Variants in UIMC1 observed in about 807,000 individuals in gnomAD.
UIMC1 encodes the protein ubiquitin interaction motif containing 1.
Under a neutral mutation model 84.9 loss-of-function variants are expected in UIMC1, and 42 were observed. The ratio of observed to expected loss-of-function variants is 0.49; its 90% CI spans 0.39 to 0.64. The LOEUF (loss-of-function observed/expected upper bound fraction) is 0.64. Among genes scored for constraint, UIMC1 ranks in the 30% least tolerant of loss-of-function variants. The probability of loss-of-function intolerance (pLI) is 0.00; values close to 1 mark genes in which losing one functional copy is unlikely to be tolerated. For missense variants in UIMC1, 825 were observed against 847.6 expected (o/e 0.97, Z 0.33); for synonymous variants, 281 against 293.0 (o/e 0.96, Z 0.42).
chr5:176,949,111 ATTTT>A (rs997597956), intron 9 of UIMC1, among the ~76,000 whole-genome samples: 53 of 151,330 alleles, frequency 3.5e-4, no homozygotes, highest in African/African-American at 1.3e-3. Flanking sequence ...TTATTTATTT[ATTTT>A]TTTAAATTTT....
chr5:176,938,441 C>T (rs1763988129), intron 10 of UIMC1, among the ~76,000 whole-genome samples: 1 of 152,116 alleles, frequency 6.6e-6, no homozygotes, highest in African/African-American at 2.4e-5. Context: ...ACACCAAGTA[C>T]ACTAGCAGGT....
rs1768752518 is a variant in UIMC1, at chr5:176,968,936, A to G, written c.819T>C (p.Thr273=). ...DAKGLQDTGG[T]VNYFWGIPFC... ...ATGGAATACCCCAGAAATAGTTCACAGTGCCCCCAGTGTCCTGGAGACCTT... is the reference window on the plus strand; with the variant it reads ...ATGGAATACCCCAGAAATAGTTCACGGTGCCCCCAGTGTCCTGGAGACCTT... The change falls in exon 6 of 15, where the codon ACT becomes ACC. Residue 273 remains threonine, a synonymous_variant. Transcript: ENST00000511320. 1.2e-6 allele frequency: 2 copies of G among 1,614,068 alleles called. No homozygotes were observed. Among genetic ancestry groups the G allele is most frequent in the Non-Finnish European group, 1.7e-6 (2 of 1,180,032 alleles).
chr5:176,978,630 T>C (rs1770529573), intron 2 of UIMC1, among the ~76,000 whole-genome samples: 1 of 151,936 alleles, frequency 6.6e-6, no homozygotes, highest in African/African-American at 2.4e-5. Flanking sequence ...AAATAATATA[T>C]TGAGAAAAAA....
At chr5:176,908,070 G>A (rs900133078) in intron 12 of UIMC1, among the ~76,000 whole-genome samples, 2 of 152,018 alleles carry the variant, frequency 1.3e-5, no homozygotes, top group African/African-American at 4.8e-5. Flanking sequence ...ATAAATGCAA[G>A]TGAGAAAACT....
At chr5:177,009,775 C>G (rs921929192), upstream of UIMC1, among the ~76,000 whole-genome samples, 9 of 151,932 alleles carry the variant, frequency 5.9e-5, no homozygotes, top group African/African-American at 2.2e-4. This position sits in a 1 kb window ranked among gnomAD's most constrained non-coding sequence, Gnocchi z 4.3. Context: ...TGACTCACAC[C>G]TATAATCCCA....
At chr5:176,993,627 A>C (rs763855394) in intron 1 of UIMC1, among the ~76,000 whole-genome samples, 16 of 152,212 alleles carry the variant, frequency 1.1e-4, no homozygotes, top group Non-Finnish European at 2.2e-4. Flanking sequence ...ATCTCTACTG[A>C]TAATTTGTAA....
intron 10 of UIMC1, among the ~76,000 whole-genome samples, chr5:176,935,232 C>T (rs906023087): frequency 1.3e-5 from 2 of 152,142 alleles, no homozygotes; most frequent in Non-Finnish European, 2.9e-5. Flanking sequence ...TTTCATAATG[C>T]CCACACTATA....
Position 177,017,626 on chromosome 5 carries a change from C to T in UIMC1, c.-9+4838G>A, listed in dbSNP as rs372527000. Among the ~76,000 whole-genome samples, 4 of 151,570 alleles carry T rather than the reference C, an allele frequency of 2.6e-5. No homozygotes were observed. The East Asian group carries it at 7.8e-4, about 29-fold the overall frequency. On this transcript the variant is annotated intron_variant, in intron 1 of 5. Transcript: ENST00000509236. ...GTCCGCAGGTGATCCGCCCACTTGG[C>T]CTCCCAAAGTGCTATGATTACAGGC...
At chr5:176,984,339 C>A (rs1389759022) in intron 1 of UIMC1, among the ~76,000 whole-genome samples, 1 of 133,940 alleles carries the variant, frequency 7.5e-6, no homozygotes, top group African/African-American at 2.8e-5. Context: ...CCGGCCGCCC[C>A]GTCTGGGAAG....
intron 10 of UIMC1, among the ~76,000 whole-genome samples, chr5:176,934,221 A>G (rs1003764310): frequency 6.6e-6 from 1 of 152,192 alleles, no homozygotes; most frequent in Non-Finnish European, 1.5e-5. Flanking sequence ...CAATTAATCA[A>G]TGACTTTAGA....
intron 11 of UIMC1, among the ~76,000 whole-genome samples, chr5:176,910,856 C>G (rs6865489): frequency 0.042 from 6,426 of 151,916 alleles, 318 homozygotes; most frequent in Middle Eastern, 0.12. Flanking sequence ...TTTGGGAGGC[C>G]GAGGCAGGCC....
Position 176,958,154 on chromosome 5 carries a change from A to C in UIMC1, c.1201T>G (p.Ser401Ala), listed in dbSNP as rs984295278. ...EEEPTTSHGQ[S>A]SQGIVEETSE... ...GTTTCTTCAACAATCCCTTGGGAAG[A>C]CTGCAAAGAAATACGTAGTATCTTA... Residue 401 changes from serine (S) to alanine (A), a missense_variant and splice_region_variant, in exon 7 of 15, where the codon TCT becomes GCT. Coordinates refer to ENST00000511320, the MANE Select transcript of UIMC1 (RefSeq NM_001199298.2). The C allele has an allele frequency of 6.2e-7, 1 of 1,613,312 alleles. No individual in the cohort carries two copies. Among genetic ancestry groups the C allele is most frequent in the Non-Finnish European group, 8.5e-7 (1 of 1,179,454 alleles).
chr5:177,000,791 T>C (rs1316872616), intron 1 of UIMC1, among the ~76,000 whole-genome samples: 3 of 152,152 alleles, frequency 2.0e-5, no homozygotes, highest in East Asian at 3.8e-4. Flanking sequence ...TGAGCTACCG[T>C]GCCCAGCCTG....
Position 176,908,699 on chromosome 5 carries a change from C to G in UIMC1, c.1677-5G>C. On this transcript the variant is annotated splice_polypyrimidine_tract_variant and splice_region_variant and intron_variant, in intron 11 of 14. Coordinates refer to ENST00000511320, the MANE Select transcript of UIMC1 (RefSeq NM_001199298.2). ...CAGAGGTAACACTTCTCATTCCTATCCAATAAGAAAAAAGGAAGAAAACAC... is the reference window on the plus strand; with the variant it reads ...CAGAGGTAACACTTCTCATTCCTATGCAATAAGAAAAAAGGAAGAAAACAC... 2 of 1,606,216 alleles carry G rather than the reference C, an allele frequency of 1.2e-6. No individual in the cohort carries two copies. Among genetic ancestry groups the G allele is most frequent in the Non-Finnish European group, 1.7e-6 (2 of 1,175,790 alleles).
chr5:176,970,719 CT>C, intron 4 of UIMC1, 22 bp downstream of exon 4: 3 of 1,613,906 alleles, frequency 1.9e-6, no homozygotes. Context: ...TCTCCACAAA[CT>C]TTTGCAACAT....
In UIMC1 at chr5:177,000,738, G is replaced by A. The variant is rs181005717; in HGVS notation, c.-9+5912C>T. Among the ~76,000 whole-genome samples the A allele has an allele frequency of 2.0e-5, 3 of 151,810 alleles. No homozygotes were observed. The East Asian group carries it at 5.8e-4, about 30-fold the overall frequency. On this transcript the variant is annotated intron_variant, in intron 1 of 14. Transcript: ENST00000511320. ...TGGTCTCGAACTCCCGACCTCAGGT[G>A]ATCCACCTGCCTCGGACTCCCAAAG...
chr5:176,937,817 T>C (rs1763894383), intron 10 of UIMC1, among the ~76,000 whole-genome samples: 1 of 152,176 alleles, frequency 6.6e-6, no homozygotes, highest in South Asian at 2.1e-4. Flanking sequence ...AGATACTTAA[T>C]ACTGGGAGGT....
chr5:176,943,553 C>G, intron 9 of UIMC1, 65 bp from the exon 10 acceptor site: 2 of 1,550,500 alleles, frequency 1.3e-6, no homozygotes, highest in Non-Finnish European at 1.7e-6. Context: ...CAACGAACTG[C>G]AAGAGACTCC....
intron 1 of UIMC1, among the ~76,000 whole-genome samples, chr5:177,015,059 C>T (rs1428087940): frequency 6.6e-6 from 1 of 152,098 alleles, no homozygotes; most frequent in African/African-American, 2.4e-5. Flanking sequence ...ATGGTGAAAC[C>T]TCATCTCTAC....
Sources: gnomAD v4.1 joint callset for allele counts (sites outside exome capture counted in the v4.1 genomes callset) on GRCh38, gnomAD v4.1.1 for gene constraint, Gnocchi (gnomAD v3.1) non-coding constraint, MANE v1.5 for transcripts, NCBI Gene and HGNC (gene_info 2026-07-23, HGNC 2026-07-21) for gene names.